The following TOX3 variants were observed in gnomAD, a reference collection of about 807,000 sequenced individuals.
TOX3 encodes CAG trinucleotide repeat-containing gene F9 protein.
TOX3 carries 22 observed loss-of-function variants against 64.3 expected under a neutral mutation model. The ratio of observed to expected loss-of-function variants is 0.34; its 90% CI spans 0.24 to 0.49. The LOEUF is 0.49. TOX3 is among the 20% of genes least tolerant of loss of function. The pLI is 0.99. For missense variants in TOX3, 661 were observed against 714.4 expected (o/e 0.93, Z 0.85); for synonymous variants, 291 against 273.6 (o/e 1.06, Z -0.63).
chr16:52,470,736 G>T (rs1007617432), intron 1 of TOX3, among the ~76,000 whole-genome samples: 2 of 152,162 alleles, frequency 1.3e-5, no homozygotes, highest in East Asian at 3.8e-4. Flanking sequence ...AGCAGGCCAC[G>T]CAGCGTTTAG....
intron 1 of TOX3, among the ~76,000 whole-genome samples, chr16:52,522,552 A>G (rs1596856514): frequency 2.0e-5 from 3 of 152,256 alleles, no homozygotes; most frequent in Non-Finnish European, 2.9e-5. Context: ...CCTCACACCT[A>G]TGACACAGGG....
intron 1 of TOX3, among the ~76,000 whole-genome samples, chr16:52,531,337 G>A (rs987556587): frequency 6.6e-6 from 1 of 152,196 alleles, no homozygotes; most frequent in African/African-American, 2.4e-5. Context: ...GTGACCCTGA[G>A]CAGAACTCAA....
intron 1 of TOX3, among the ~76,000 whole-genome samples, chr16:52,506,099 G>A (rs1962155398): frequency 6.6e-6 from 1 of 152,160 alleles, no homozygotes; most frequent in African/African-American, 2.4e-5. Context: ...AATCATTGTA[G>A]GACAAGAGCC....
intron 1 of TOX3, among the ~76,000 whole-genome samples, chr16:52,517,753 G>A (rs945728720): frequency 6.6e-6 from 1 of 151,636 alleles, no homozygotes; most frequent in Non-Finnish European, 1.5e-5. Flanking sequence ...AAGTATGGAG[G>A]AAAACACCAA....
At chr16:52,512,022 TA>T (rs1026833199) in intron 1 of TOX3, among the ~76,000 whole-genome samples, 7 of 152,120 alleles carry the variant, frequency 4.6e-5, no homozygotes, top group African/African-American at 1.7e-4. Flanking sequence ...TCCTCAACTT[TA>T]AGAATGATCA....
chr16:52,452,688 A>T (rs1049998442), intron 3 of TOX3, among the ~76,000 whole-genome samples: 2 of 151,984 alleles, frequency 1.3e-5, no homozygotes. Flanking sequence ...ATAATAATAA[A>T]AAAAAGAAAT....
intron 1 of TOX3, among the ~76,000 whole-genome samples, chr16:52,546,027 A>G (rs965727698): frequency 1.3e-5 from 2 of 152,206 alleles, no homozygotes; most frequent in African/African-American, 4.8e-5. Context: ...CACTTACTCT[A>G]AGCGGGGAGG....
intron 1 of TOX3, among the ~76,000 whole-genome samples, chr16:52,484,523 C>A (rs1379580743): frequency 2.0e-5 from 3 of 152,064 alleles, no homozygotes; most frequent in Admixed American, 6.5e-5. Flanking sequence ...AACATAAATT[C>A]TGAAAATAAC....
intron 1 of TOX3, among the ~76,000 whole-genome samples, chr16:52,474,562 A>G (rs1403775322): frequency 6.6e-6 from 1 of 151,990 alleles, no homozygotes; most frequent in Non-Finnish European, 1.5e-5. Context: ...GGCTGCAATA[A>G]GCTATGACTC....
Position 52,535,714 on chromosome 16 carries a change from C to T in TOX3, c.87+10923G>A, listed in dbSNP as rs187793271. Among the ~76,000 whole-genome samples, 8 of 152,258 alleles carry T rather than the reference C, an allele frequency of 5.3e-5. No individual in the cohort carries two copies. In the East Asian group the frequency reaches 1.5e-3, roughly 29 times the overall value. ...ATTCCTTGACCATTTCTTCAATGGC[C>T]TGAATAGTTGGATTAAAAGCAGTCA... On this transcript the variant is annotated intron_variant, in intron 1 of 6. Coordinates refer to ENST00000219746, the MANE Select transcript of TOX3 (RefSeq NM_001080430.4).
At chr16:52,471,986 C>G (rs542615168) in intron 1 of TOX3, among the ~76,000 whole-genome samples, 1 of 152,280 alleles carries the variant, frequency 6.6e-6, no homozygotes, top group Non-Finnish European at 1.5e-5. Context: ...GTATTTCACT[C>G]AGTGATCAAT....
intron 1 of TOX3, among the ~76,000 whole-genome samples, chr16:52,545,993 C>A (rs570763297): frequency 6.6e-6 from 1 of 151,972 alleles, no homozygotes; most frequent in Non-Finnish European, 1.5e-5. Context: ...CTTAGCCCCC[C>A]CAAAAAAATG....
chr16:52,485,971 C>G (rs890987946), intron 1 of TOX3, among the ~76,000 whole-genome samples: 1 of 152,186 alleles, frequency 6.6e-6, no homozygotes. Context: ...GGAAGCTGAA[C>G]AGAATCAGTC....
chr16:52,476,880 T>C (rs1390823368), intron 1 of TOX3, among the ~76,000 whole-genome samples: 2 of 152,178 alleles, frequency 1.3e-5, no homozygotes, highest in African/African-American at 4.8e-5. Context: ...TATATCAAGC[T>C]AAGGGCCAAC....
intron 1 of TOX3, among the ~76,000 whole-genome samples, chr16:52,483,569 T>G (rs1469024054): frequency 2.1e-5 from 3 of 144,338 alleles, no homozygotes; most frequent in African/African-American, 7.8e-5. Context: ...GTTTGGTTTT[T>G]TTTTTTTTTT....
At chr16:52,500,945 G>A (rs1961984098) in intron 1 of TOX3, among the ~76,000 whole-genome samples, 1 of 152,200 alleles carries the variant, frequency 6.6e-6, no homozygotes. Flanking sequence ...GTGTGAGTCT[G>A]AAGTCTTAAG....
chr16:52,473,294 G>A (rs1038913595), intron 1 of TOX3, among the ~76,000 whole-genome samples: 7 of 151,846 alleles, frequency 4.6e-5, no homozygotes, highest in African/African-American at 1.7e-4. Flanking sequence ...GTGAAGAATT[G>A]TATAGGCTTC....
At chr16:52,469,137 C>G (rs1268742722) in intron 1 of TOX3, among the ~76,000 whole-genome samples, 1 of 152,106 alleles carries the variant, frequency 6.6e-6, no homozygotes, top group Admixed American at 6.5e-5. Context: ...TATCTATATC[C>G]ATCAGAGTTG....
At chr16:52,509,167 T>G (rs73588811) in intron 1 of TOX3, among the ~76,000 whole-genome samples, 7,262 of 152,278 alleles carry the variant, frequency 0.048, 386 homozygotes, top group East Asian at 0.16. Flanking sequence ...TATTTATATA[T>G]AGCTTCATCA....
Sources: gnomAD v4.1 joint callset for allele counts (sites outside exome capture counted in the v4.1 genomes callset) on GRCh38, gnomAD v4.1.1 for gene constraint, MANE v1.5 for transcripts, NCBI Gene and HGNC (gene_info 2026-07-23, HGNC 2026-07-21) for gene names.